Variants in ID3 observed in about 807,000 individuals in gnomAD.
ID3 encodes the protein inhibitor of DNA binding 3.
Under a neutral mutation model 9.6 loss-of-function variants are expected in ID3, and 4 were observed. The ratio of observed to expected loss-of-function variants is 0.42; its 90% CI spans 0.21 to 0.96. The LOEUF (loss-of-function observed/expected upper bound fraction) is 0.96, where lower values mean the gene tolerates loss of function less well. Ranked by LOEUF, ID3 falls within the 40% of genes least tolerant of loss-of-function variation. ID3 has a pLI of 0.30. For synonymous variants in ID3, 108 were observed against 75.2 expected (o/e 1.44, Z -2.26); for missense variants, 191 against 164.5 (o/e 1.16, Z -0.88).
intron 1 of ID3, 33 bp downstream of exon 1, chr1:23,559,094 G>T (rs1367440410): frequency 6.2e-7 from 1 of 1,610,806 alleles, no homozygotes; most frequent in Non-Finnish European, 8.5e-7. Context: ...TCCTTGCCTG[G>T]GTGTTCAGCC....
Position 23,559,002 on chromosome 1 carries a change from C to T in ID3, c.318G>A (p.Pro106=), listed in dbSNP as rs142466418. ...HLPIQTAELT[P]ELVISNDKRS... ...TTTTGTCGTTGGAGATGACAAGTTC[C>T]GGAGTGAGCTCGGCTGTCTGATTAG... The change falls in exon 2 of 3, where the codon CCG becomes CCA. Residue 106 remains proline (P), a synonymous_variant. Coordinates refer to ENST00000374561, the MANE Select transcript of ID3 (RefSeq NM_002167.5). The T allele has an allele frequency of 3.0e-4, 484 of 1,614,156 alleles. 7 individuals carry two copies. In the East Asian group the frequency reaches 8.3e-3, roughly 28 times the overall value.
chr1:23,558,663 A>G (rs1643678576), intron 2 of ID3: 5 of 430,702 alleles, frequency 1.2e-5, no homozygotes, highest in South Asian at 2.6e-5. Context: ...CCTATACAAC[A>G]TGGAACAGAA....
rs146711026 is a variant in ID3, at chr1:23,559,036, A to G, written c.301-17T>C. 2 of 1,613,772 alleles carry G rather than the reference A, an allele frequency of 1.2e-6. No homozygotes were observed. The highest frequency in any genetic ancestry group is 2.7e-5 in the African/African-American group (2 of 74,906). On this transcript the variant is annotated splice_polypyrimidine_tract_variant and intron_variant, in intron 1 of 2. Transcript: ENST00000374561. ...CTCGGCTGTCTGATTAGAGGAAAAG[A>G]GGGAAGAGTTACGCGAGGCAATCGG...
chr1:23,559,405 G>A lies in ID3; in HGVS notation c.22C>T (p.Arg8Cys), dbSNP rs1643691416. The A allele has an allele frequency of 6.2e-7, 1 of 1,612,304 alleles. No homozygotes were observed. Among genetic ancestry groups the A allele is most frequent in the East Asian group, 2.2e-5 (1 of 44,858 alleles). The change falls in exon 1 of 3, where the codon CGC becomes TGC. Residue 8 changes from arginine to cysteine, a missense_variant. Arg to Cys is a radical substitution (Grantham distance 180). Transcript: ENST00000374561. ...CAGCACACCGCCTCGTAGCAGCCGC[G>A]CACCGGGCTCAGCGCCTTCATGCTG... MKALSPV[R>C]GCYEAVCCLS...
In ID3 at chr1:23,559,277, G is replaced by A. The variant is rs570232356; in HGVS notation, c.150C>T (p.Arg50=). The A allele has an allele frequency of 1.2e-5, 20 of 1,614,122 alleles. No homozygotes were observed. In the South Asian group the frequency reaches 1.5e-4, roughly 12 times the overall value. The change falls in exon 1 of 3, where the codon CGC becomes CGT. Residue 50 remains arginine (R), a synonymous_variant. Transcript: ENST00000374561. The stretch of plus-strand genomic sequence containing the variant: ...GGACTCCGGGTACCAGTTCCCGCAG[G>A]CGGGAGTAGCAGTGGTTCATGTCGT... ...LLDDMNHCYS[R]LRELVPGVPR...
intron 2 of ID3, 185 bp from the exon 3 acceptor site, chr1:23,558,600 C>A: frequency 4.7e-6 from 1 of 213,960 alleles, no homozygotes; most frequent in Non-Finnish European, 9.5e-6. Flanking sequence ...GCTTGCGCTA[C>A]CCCTCCTACT....
In ID3 at chr1:23,559,311, C is replaced by T. The variant is rs750689669; in HGVS notation, c.116G>A (p.Ser39Asn). The T allele has an allele frequency of 1.9e-6, 3 of 1,613,800 alleles. No homozygotes were observed. Among genetic ancestry groups the T allele is most frequent in the African/African-American group, 1.3e-5 (1 of 74,936 alleles). ...GCAGTGGTTCATGTCGTCCAGCAAG[C>T]TCAGCGGCTCCTCAGCTGCCGGGCC... is the stretch of plus-strand genomic sequence containing the variant. ...GKGPAAEEPLSLLDDMNHCYS... is the reference protein window; with the variant it reads ...GKGPAAEEPLNLLDDMNHCYS... The change falls in exon 1 of 3, where the codon AGC becomes AAC. Residue 39 changes from serine (S) to asparagine (N), a missense_variant. Transcript: ENST00000374561.
At chr1:23,558,689 C>A (rs1291737355) in intron 2 of ID3, 2 of 509,146 alleles carry the variant, frequency 3.9e-6, no homozygotes, top group African/African-American at 3.8e-5. Context: ...TGTATTTAGT[C>A]GGACCCATGT....
intron 2 of ID3, 49 bp downstream of exon 2, chr1:23,558,886 T>C: frequency 7.5e-7 from 1 of 1,333,144 alleles, no homozygotes; most frequent in Non-Finnish European, 1.1e-6. Flanking sequence ...GTCTGCCAAC[T>C]CCAGGACTTG....
Position 23,559,146 on chromosome 1 carries a change from C to G in ID3, c.281G>C (p.Gly94Ala). The change falls in exon 1 of 3, where the codon GGC becomes GCC. Residue 94 changes from glycine to alanine, a missense_variant. Gly to Ala is a moderately conservative substitution (Grantham distance 60). Coordinates refer to ENST00000374561, the MANE Select transcript of ID3 (RefSeq NM_002167.5). ...GCTTACCTGGATGGGAAGGTGGGGG[C>G]CATCAGGGGGTCCAGGGGCTGGCTC... ...LAEPAPGPPDGPHLPIQTAEL... is the reference protein window; with the variant it reads ...LAEPAPGPPDAPHLPIQTAEL... The G allele has an allele frequency of 6.2e-7, 1 of 1,614,072 alleles. No individual in the cohort carries two copies. The highest frequency in any genetic ancestry group is 1.1e-5 in the South Asian group (1 of 91,068).
intron 2 of ID3, chr1:23,558,642 G>A (rs1286475242): frequency 2.4e-5 from 7 of 294,648 alleles, no homozygotes; most frequent in South Asian, 5.3e-5. Flanking sequence ...GGGGGCTGCC[G>A]AAGACAGCTC....
In ID3 at chr1:23,559,006, G is replaced by A. The variant is rs752229443; in HGVS notation, c.314C>T (p.Thr105Ile). Residue 105 changes from threonine (T) to isoleucine (I), a missense_variant, in exon 2 of 3, where the codon ACT (threonine) becomes ATT (isoleucine). By Grantham distance (89) the Thr-to-Ile change is moderately conservative. Coordinates refer to ENST00000374561, the MANE Select transcript of ID3 (RefSeq NM_002167.5). ...PHLPIQTAEL[T>I]PELVISNDKR... ...GTCGTTGGAGATGACAAGTTCCGGAGTGAGCTCGGCTGTCTGATTAGAGGA... is the reference window on the plus strand; with the variant it reads ...GTCGTTGGAGATGACAAGTTCCGGAATGAGCTCGGCTGTCTGATTAGAGGA... 1.2e-6 allele frequency: 2 copies of A among 1,614,150 alleles called. No homozygotes were observed. Among genetic ancestry groups the A allele is most frequent in the South Asian group, 2.2e-5 (2 of 91,086 alleles).
At position 23,558,351 on chromosome 1, in the gene ID3, C is replaced by G. The variant is rs1226603693; in HGVS notation, c.*90G>C. ...AGGGCGAAGTTGGGGCCCATCCCTG[C>G]CGTCCGGCTTCCGGCAGGAGAGGTT... On this transcript the variant is annotated 3_prime_UTR_variant, in exon 3 of 3. Transcript: ENST00000374561. 2.0e-5 allele frequency: 3 copies of G among 153,216 alleles called. No homozygotes were observed. The highest frequency in any genetic ancestry group is 3.8e-4 in the East Asian group (2 of 5,198). 9.5% of individuals were successfully genotyped at this position (153,216 alleles called of 1,614,324 possible).
Position 23,558,923 on chromosome 1 carries a change from G to T in ID3, c.*25+12C>A. 6.3e-7 allele frequency: 1 copy of T among 1,584,504 alleles called. No homozygotes were observed. Among genetic ancestry groups the T allele is most frequent in the Admixed American group, 1.7e-5 (1 of 59,436 alleles). On this transcript the variant is annotated intron_variant, in intron 2 of 2. Coordinates refer to ENST00000374561, the MANE Select transcript of ID3 (RefSeq NM_002167.5). ...CGTTTAAACCTCCCTCTCCAAGAGA[G>T]GAGATACTCACCTGGAGGTGTCAGG...
chr1:23,559,077 C>T (rs754988796), intron 1 of ID3, 50 bp downstream of exon 1: 34 of 1,612,384 alleles, frequency 2.1e-5, no homozygotes, highest in South Asian at 3.3e-5. Flanking sequence ...CCGAGGGTCC[C>T]GCAGCATCCT....
chr1:23,559,210 C>G lies in ID3; in HGVS notation c.217G>C (p.Val73Leu), dbSNP rs1368642053. ...QLSQVEILQR[V>L]IDYILDLQVV... ...TGCAGGTCGAGAATGTAGTCGATGA[C>G]GCGCTGTAGGATTTCCACCTGGCTA... The change falls in exon 1 of 3, where the codon GTC becomes CTC. Residue 73 changes from valine to leucine, a missense_variant. Transcript: ENST00000374561. 6.2e-7 allele frequency: 1 copy of G among 1,614,188 alleles called. No individual in the cohort carries two copies. The highest frequency in any genetic ancestry group is 1.1e-5 in the South Asian group (1 of 91,076).
At chr1:23,558,658 A>G (rs1233084287) in intron 2 of ID3, 1 of 404,490 alleles carries the variant, frequency 2.5e-6, no homozygotes, top group Non-Finnish European at 4.6e-6. Flanking sequence ...AGCTCCCTAT[A>G]CAACATGGAA....
At chr1:23,558,696 A>G (rs1235684426) in intron 2 of ID3, 8 of 529,626 alleles carry the variant, frequency 1.5e-5, no homozygotes, top group Admixed American at 3.2e-5. Context: ...AGTCGGACCC[A>G]TGTCTACTTT....
At position 23,558,371 on chromosome 1, in the gene ID3, G is replaced by A. The variant is rs1643673917; in HGVS notation, c.*70C>T. 6.5e-6 allele frequency: 1 copy of A among 153,268 alleles called. No homozygotes were observed. The highest frequency in any genetic ancestry group is 1.5e-5 in the Non-Finnish European group (1 of 68,804). The allele number at this position is 153,268 out of a possible 1,614,324, so 9.5% of individuals were successfully genotyped here. A position where few individuals can be genotyped will look rare whatever the true frequency, so the allele number is the denominator to read the frequency against. On this transcript the variant is annotated 3_prime_UTR_variant, in exon 3 of 3. Coordinates refer to ENST00000374561, the MANE Select transcript of ID3 (RefSeq NM_002167.5). ...CCCTGCCGTCCGGCTTCCGGCAGGA[G>A]AGGTTCCCGGGGTCCCAGGCAGAAC...
Sources: allele counts gnomAD v4.1 joint callset, GRCh38; gene constraint gnomAD v4.1.1; transcripts MANE v1.5; gene names NCBI Gene and HGNC (gene_info 2026-07-23, HGNC 2026-07-21).